The following RNF169 variants were observed in gnomAD, a reference collection of about 807,000 sequenced individuals.
RNF169 encodes the protein ring finger protein 169.
RNF169 carries 24 observed loss-of-function variants against 53.9 expected under a neutral mutation model. That is an observed-to-expected ratio of 0.45 (90% CI 0.32 to 0.63). RNF169 has a LOEUF of 0.63. RNF169 is among the 20% of genes least tolerant of loss of function. RNF169 has a pLI of 0.04. For synonymous variants in RNF169, 396 were observed against 363.5 expected (o/e 1.09, Z -1.02); for missense variants, 883 against 906.2 (o/e 0.97, Z 0.33).
At chr11:74,808,368 G>A (rs932171151) in intron 2 of RNF169, among the ~76,000 whole-genome samples, 1 of 152,152 alleles carries the variant, frequency 6.6e-6, no homozygotes, top group African/African-American at 2.4e-5. Context: ...CAATATTTAT[G>A]TATATATTGG....
intron 1 of RNF169, 91 bp from the exon 2 acceptor site, chr11:74,789,535 C>T: frequency 1.4e-6 from 1 of 718,652 alleles, no homozygotes; most frequent in Non-Finnish European, 2.4e-6. Context: ...TGATTTTTAT[C>T]ATCTATTTAT....
rs2036631090 is a variant in RNF169, at chr11:74,842,018, T to G, written c.*5288T>G. The G allele has an allele frequency of 6.6e-6, 1 of 152,160 alleles. No homozygotes were observed. Among genetic ancestry groups the G allele is most frequent in the Non-Finnish European group, 1.5e-5 (1 of 68,024 alleles). 9.4% of individuals were successfully genotyped at this position (152,160 alleles called of 1,614,324 possible). On this transcript the variant is annotated 3_prime_UTR_variant, in exon 6 of 6. Coordinates refer to ENST00000299563, the MANE Select transcript of RNF169 (RefSeq NM_001098638.2). ...TGCCAACGAATAGTTTTTTTTTTTT[T>G]GAACCTGATACACTGTTTGTTTACT...
At chr11:74,834,393 T>C (rs1002647217) in intron 4 of RNF169, among the ~76,000 whole-genome samples, 3 of 152,208 alleles carry the variant, frequency 2.0e-5, no homozygotes. Flanking sequence ...TATCTACATC[T>C]CTCTAAGCAT....
rs2036539339 is a variant in RNF169, at chr11:74,841,508, A to G, written c.*4778A>G. 6.6e-6 allele frequency: 1 copy of G among 152,186 alleles called. No individual in the cohort carries two copies. Among genetic ancestry groups the G allele is most frequent in the African/African-American group, 2.4e-5 (1 of 41,456 alleles). The allele number at this position is 152,186 out of a possible 1,614,324, so 9.4% of individuals were successfully genotyped here. A position where few individuals can be genotyped will look rare whatever the true frequency, so the allele number is the denominator to read the frequency against. ...CAAGACTGGATGTGCAGATTGTTCTATGTATTATCAGTATTTTTTTCCTCT... is the reference window on the plus strand; with the variant it reads ...CAAGACTGGATGTGCAGATTGTTCTGTGTATTATCAGTATTTTTTTCCTCT... On this transcript the variant is annotated 3_prime_UTR_variant, in exon 6 of 6. Coordinates refer to ENST00000299563, the MANE Select transcript of RNF169 (RefSeq NM_001098638.2).
chr11:74,825,076 T>C (rs1467852694), intron 4 of RNF169, among the ~76,000 whole-genome samples: 1 of 152,170 alleles, frequency 6.6e-6, no homozygotes, highest in Admixed American at 6.5e-5. Flanking sequence ...TCAGACAATA[T>C]AGACTTCAGG....
At chr11:74,765,337 C>G (rs2035156114) in intron 1 of RNF169, among the ~76,000 whole-genome samples, 1 of 152,104 alleles carries the variant, frequency 6.6e-6, no homozygotes, top group Non-Finnish European at 1.5e-5. Context: ...ACGTAATTTT[C>G]CTAGATTCAT....
At chr11:74,809,362 T>C (rs2035844919) in intron 2 of RNF169, among the ~76,000 whole-genome samples, 1 of 152,248 alleles carries the variant, frequency 6.6e-6, no homozygotes, top group Non-Finnish European at 1.5e-5. Flanking sequence ...ATTATATTGT[T>C]ATCTCATTTA....
intron 2 of RNF169, among the ~76,000 whole-genome samples, chr11:74,804,942 G>A (rs941669520): frequency 2.0e-5 from 3 of 152,142 alleles, no homozygotes; most frequent in African/African-American, 7.2e-5. Flanking sequence ...GTAGTAGTAG[G>A]AGTATAAAAT....
At chr11:74,802,919 A>AT (rs199747486) in intron 2 of RNF169, among the ~76,000 whole-genome samples, 2 of 98,642 alleles carry the variant, frequency 2.0e-5, no homozygotes, top group Admixed American at 2.7e-4. Context: ...AACACAAGTA[A>AT]TTTTTTTTGG....
intron 1 of RNF169, among the ~76,000 whole-genome samples, chr11:74,774,739 G>A (rs1428114394): frequency 1.3e-5 from 2 of 152,130 alleles, no homozygotes; most frequent in African/African-American, 4.8e-5. Context: ...CGGATCACTT[G>A]AGGTCAGGAG....
intron 1 of RNF169, among the ~76,000 whole-genome samples, chr11:74,787,350 A>G (rs2035518649): frequency 6.6e-6 from 1 of 152,328 alleles, no homozygotes; most frequent in Admixed American, 6.5e-5. Flanking sequence ...GGAGTAAGGA[A>G]ATGCATATGC....
At chr11:74,762,410 G>T (rs1294397943) in intron 1 of RNF169, among the ~76,000 whole-genome samples, 1 of 152,164 alleles carries the variant, frequency 6.6e-6, no homozygotes, top group African/African-American at 2.4e-5. Flanking sequence ...TTTTTCTATT[G>T]TGTTTTTTCC....
chr11:74,789,381 A>G (rs546117347), intron 1 of RNF169, among the ~76,000 whole-genome samples: 1 of 152,372 alleles, frequency 6.6e-6, no homozygotes, highest in East Asian at 1.9e-4. Flanking sequence ...TAGATTTATT[A>G]GTAAGTCTTA....
chr11:74,799,659 G>A (rs1565180330), intron 2 of RNF169, among the ~76,000 whole-genome samples: 1 of 151,996 alleles, frequency 6.6e-6, no homozygotes, highest in Non-Finnish European at 1.5e-5. Context: ...TCCAGAAGCT[G>A]TTACAACTGT....
At chr11:74,763,992 G>A (rs115331880) in intron 1 of RNF169, among the ~76,000 whole-genome samples, 1 of 152,144 alleles carries the variant, frequency 6.6e-6, no homozygotes, top group South Asian at 2.1e-4. Flanking sequence ...CATTACAAGC[G>A]TGAGCCACTG....
intron 4 of RNF169, chr11:74,830,835 G>T (rs1303082005): frequency 6.6e-6 from 1 of 151,928 alleles, no homozygotes; most frequent in Non-Finnish European, 1.5e-5. Context: ...TGACCAAGCA[G>T]GATTTATTCC....
chr11:74,769,179 CAGAT>C (rs1565172489), intron 1 of RNF169, among the ~76,000 whole-genome samples: 1 of 152,088 alleles, frequency 6.6e-6, no homozygotes, highest in African/African-American at 2.4e-5. Context: ...ATTATGATGA[CAGAT>C]AGCTTATTAG....
At chr11:74,804,226 G>C (rs1450710571) in intron 2 of RNF169, among the ~76,000 whole-genome samples, 2 of 152,094 alleles carry the variant, frequency 1.3e-5, no homozygotes, top group Non-Finnish European at 2.9e-5. Context: ...GTGATGGAAT[G>C]GTGTCCAGTC....
chr11:74,787,759 G>A (rs1195834213), intron 1 of RNF169, among the ~76,000 whole-genome samples: 1 of 152,146 alleles, frequency 6.6e-6, no homozygotes, highest in African/African-American at 2.4e-5. Context: ...CTCTCAAAAA[G>A]CATGTATCCT....
Sources: gnomAD v4.1 joint callset for allele counts (sites outside exome capture counted in the v4.1 genomes callset) on GRCh38, gnomAD v4.1.1 for gene constraint, MANE v1.5 for transcripts, NCBI Gene and HGNC (gene_info 2026-07-23, HGNC 2026-07-21) for gene names.